The following MIEN1 variants were observed in gnomAD, a reference collection of about 807,000 sequenced individuals.
The protein encoded by MIEN1 is HBV X-transactivated gene 4 protein.
Under a neutral mutation model 15.5 loss-of-function variants are expected in MIEN1, and 12 were observed. That is an observed-to-expected ratio of 0.78 (90% confidence interval 0.50 to 1.26). MIEN1 has a LOEUF of 1.26. Among genes scored for constraint, MIEN1 ranks in the 50% most tolerant of loss-of-function variants. The pLI, the probability that MIEN1 is intolerant of heterozygous loss-of-function variation, is 0.00. For synonymous variants in MIEN1, 63 were observed against 62.8 expected (o/e 1.00, Z -0.02); for missense variants, 160 against 151.7 (o/e 1.05, Z -0.29).
chr17:39,728,723 A>G lies in MIEN1; in HGVS notation c.*799T>C. 1 of 223,042 alleles carries G rather than the reference A, an allele frequency of 4.5e-6. No homozygotes were observed. Among genetic ancestry groups the G allele is most frequent in the African/African-American group, 2.2e-5 (1 of 44,822 alleles). 13.8% of individuals were successfully genotyped at this position (223,042 alleles called of 1,614,324 possible). A position where few individuals can be genotyped will look rare whatever the true frequency, so the allele number is the denominator to read the frequency against. ...TCCCTTCCTGCTCACCTTACACTCA[A>G]TTCCTCTTTTCCTGGAGGGAGTGGC... is the stretch of plus-strand genomic sequence containing the variant. On this transcript the variant is annotated 3_prime_UTR_variant, in exon 4 of 4. Transcript: ENST00000394231.
rs201802003 is a variant in MIEN1 at position 39,730,499 on chromosome 17, G to T, written c.-4C>A. The T allele has an allele frequency of 1.6e-3, 2,409 of 1,531,280 alleles. 2 individuals carry two copies. Among genetic ancestry groups the T allele is most frequent in the Non-Finnish European group, 1.9e-3 (2,168 of 1,143,602 alleles). The allele number at this position is 1,531,280 out of a possible 1,614,324, so 94.9% of individuals were successfully genotyped here. ...TCTGCCCCGGCTCCCCGCTCATCGC[G>T]GCCGGCTCCGCTCGGGCCCCTGCTT... On this transcript the variant is annotated 5_prime_UTR_variant, in exon 1 of 4. Coordinates refer to ENST00000394231, the MANE Select transcript of MIEN1 (RefSeq NM_032339.5).
In MIEN1 at chr17:39,729,142, C is replaced by T. The variant is rs2059916845; in HGVS notation, c.*380G>A. ...TTCCCAGACTGGACGTATAAAAACA[C>T]ACACTAGTTAGCATTAGTGTTTGTA... is the stretch of plus-strand genomic sequence containing the variant. On this transcript the variant is annotated 3_prime_UTR_variant, in exon 4 of 4. Coordinates refer to ENST00000394231, the MANE Select transcript of MIEN1 (RefSeq NM_032339.5). 1 of 239,308 alleles carries T rather than the reference C, an allele frequency of 4.2e-6. No individual in the cohort carries two copies. Among genetic ancestry groups the T allele is most frequent in the Non-Finnish European group, 8.3e-6 (1 of 121,026 alleles). 14.8% of individuals were successfully genotyped at this position (239,308 alleles called of 1,614,324 possible).
intron 1 of MIEN1, 31 bp downstream of exon 1, chr17:39,730,376 G>C (rs1457087264): frequency 1.9e-6 from 3 of 1,554,416 alleles, no homozygotes; most frequent in Non-Finnish European, 2.6e-6. Flanking sequence ...CGCGGGACCA[G>C]GGTGCGGGTC....
In MIEN1 at chr17:39,728,955, G is replaced by GA. The variant is rs1194632594; in HGVS notation, c.*566dup. Reference sequence around the variant, plus strand: ...GAGGAGAGTGGTGGGTAGGGTGGGGGAAAGACGAGGCAGGGTCTACTGTGG... The same window carrying GA: ...GAGGAGAGTGGTGGGTAGGGTGGGGGAAAAGACGAGGCAGGGTCTACTGTGG... On this transcript the variant is annotated 3_prime_UTR_variant, in exon 4 of 4. Transcript: ENST00000394231. 5.8e-6 allele frequency: 1 copy of GA among 171,870 alleles called. No homozygotes were observed. Among genetic ancestry groups the GA allele is most frequent in the Non-Finnish European group, 1.3e-5 (1 of 79,470 alleles). The allele number at this position is 171,870 out of a possible 1,614,324, so 10.6% of individuals were successfully genotyped here.
intron 1 of MIEN1, 42 bp from the exon 2 acceptor site, chr17:39,730,333 T>TG: frequency 6.4e-7 from 1 of 1,558,608 alleles, no homozygotes; most frequent in Non-Finnish European, 8.7e-7. Flanking sequence ...GATTCGGGGG[T>TG]GGGGCCTCCC....
At position 39,730,250 on chromosome 17, in the gene MIEN1, C is replaced by T; in HGVS notation, c.131G>A (p.Ser44Asn). The T allele has an allele frequency of 3.7e-6, 6 of 1,609,394 alleles. No homozygotes were observed. Among genetic ancestry groups the T allele is most frequent in the Non-Finnish European group, 3.4e-6 (4 of 1,179,638 alleles). Reference protein sequence around the residue: ...GFEATYLELASAVKEQYPGIE... With the variant: ...GFEATYLELANAVKEQYPGIE... ...GCCCGGATACTGCTCCTTCACAGCA[C>T]TGGCCAGCTCCAGGTAGGTCGCCTC... is the stretch of plus-strand genomic sequence containing the variant. The change falls in exon 2 of 4, where the codon AGT (serine) becomes AAT (asparagine). Residue 44 changes from serine (S) to asparagine (N), a missense_variant. Transcript: ENST00000394231.
At position 39,728,956 on chromosome 17, in the gene MIEN1, A is replaced by T. The variant is rs2059912014; in HGVS notation, c.*566T>A. 1 of 171,884 alleles carries T rather than the reference A, an allele frequency of 5.8e-6. No individual in the cohort carries two copies. The highest frequency in any genetic ancestry group is 2.4e-5 in the African/African-American group (1 of 41,830). 10.6% of individuals were successfully genotyped at this position (171,884 alleles called of 1,614,324 possible). ...AGGAGAGTGGTGGGTAGGGTGGGGG[A>T]AAGACGAGGCAGGGTCTACTGTGGG... On this transcript the variant is annotated 3_prime_UTR_variant, in exon 4 of 4. Coordinates refer to ENST00000394231, the MANE Select transcript of MIEN1 (RefSeq NM_032339.5).
At chr17:39,730,029 G>T in intron 2 of MIEN1, 165 bp downstream of exon 2, 1 of 743,662 alleles carries the variant, frequency 1.3e-6, no homozygotes, top group South Asian at 1.7e-5. Flanking sequence ...ACAGGCCTCT[G>T]TGACACCCCC....
rs1312289345 is a variant in MIEN1, at chr17:39,728,707, G to T, written c.*815C>A. 2 of 226,806 alleles carry T rather than the reference G, an allele frequency of 8.8e-6. No individual in the cohort carries two copies. Among genetic ancestry groups the T allele is most frequent in the Non-Finnish European group, 1.8e-5 (2 of 114,144 alleles). The allele number at this position is 226,806 out of a possible 1,614,324, so 14.0% of individuals were successfully genotyped here. ...GGGTGGCTCTGTGCCATCCCTTCCT[G>T]CTCACCTTACACTCAATTCCTCTTT... On this transcript the variant is annotated 3_prime_UTR_variant, in exon 4 of 4. Coordinates refer to ENST00000394231, the MANE Select transcript of MIEN1 (RefSeq NM_032339.5).
At position 39,729,407 on chromosome 17, in the gene MIEN1, G is replaced by T; in HGVS notation, c.*115C>A. The stretch of plus-strand genomic sequence containing the variant: ...CCCAAAGGGCAAAGTGGAGGCCAGG[G>T]TCTCTTTGCTAAGGAGCTAAGTAGG... On this transcript the variant is annotated 3_prime_UTR_variant, in exon 4 of 4. Coordinates refer to ENST00000394231, the MANE Select transcript of MIEN1 (RefSeq NM_032339.5). The T allele has an allele frequency of 1.5e-6, 2 of 1,318,176 alleles. No homozygotes were observed. Among genetic ancestry groups the T allele is most frequent in the Non-Finnish European group, 1.1e-6 (1 of 940,144 alleles). 81.7% of individuals were successfully genotyped at this position (1,318,176 alleles called of 1,614,324 possible). A position where few individuals can be genotyped will look rare whatever the true frequency, so the allele number is the denominator to read the frequency against.
Position 39,729,428 on chromosome 17 carries a change from G to C in MIEN1, c.*94C>G. 1 of 1,513,770 alleles carries C rather than the reference G, an allele frequency of 6.6e-7. No homozygotes were observed. Among genetic ancestry groups the C allele is most frequent in the Non-Finnish European group, 9.1e-7 (1 of 1,100,102 alleles). The allele number at this position is 1,513,770 out of a possible 1,614,324, so 93.8% of individuals were successfully genotyped here. A position where few individuals can be genotyped will look rare whatever the true frequency, so the allele number is the denominator to read the frequency against. On this transcript the variant is annotated 3_prime_UTR_variant, in exon 4 of 4. Transcript: ENST00000394231. ...CAGGGTCTCTTTGCTAAGGAGCTAAGTAGGGGAAAGAGGCAGGGGGAGCTC... is the reference window on the plus strand; with the variant it reads ...CAGGGTCTCTTTGCTAAGGAGCTAACTAGGGGAAAGAGGCAGGGGGAGCTC...
chr17:39,729,398 G>A lies in MIEN1; in HGVS notation c.*124C>T, dbSNP rs2059919727. On this transcript the variant is annotated 3_prime_UTR_variant, in exon 4 of 4. Transcript: ENST00000394231. Reference sequence around the variant, plus strand: ...TTCTTTGTACCCAAAGGGCAAAGTGGAGGCCAGGGTCTCTTTGCTAAGGAG... The same window carrying A: ...TTCTTTGTACCCAAAGGGCAAAGTGAAGGCCAGGGTCTCTTTGCTAAGGAG... 8.2e-7 allele frequency: 1 copy of A among 1,225,134 alleles called. No homozygotes were observed. Among genetic ancestry groups the A allele is most frequent in the African/African-American group, 1.5e-5 (1 of 65,922 alleles). 75.9% of individuals were successfully genotyped at this position (1,225,134 alleles called of 1,614,324 possible).
At chr17:39,729,950 T>C in intron 2 of MIEN1, 189 bp from the exon 3 acceptor site, 1 of 741,148 alleles carries the variant, frequency 1.3e-6, no homozygotes, top group South Asian at 1.8e-5. Flanking sequence ...TGTGTGCCCC[T>C]CGCAACACTC....
rs575392339 is a variant in MIEN1, at chr17:39,729,163, T to C, written c.*359A>G. ...AACACACACTAGTTAGCATTAGTGT[T>C]TGTAGCGCCACTTTACTGCCAATAG... On this transcript the variant is annotated 3_prime_UTR_variant, in exon 4 of 4. Coordinates refer to ENST00000394231, the MANE Select transcript of MIEN1 (RefSeq NM_032339.5). The C allele has an allele frequency of 1.0e-5, 3 of 301,370 alleles. No homozygotes were observed. The highest frequency in any genetic ancestry group is 1.9e-5 in the Non-Finnish European group (3 of 158,352). The allele number at this position is 301,370 out of a possible 1,614,324, so 18.7% of individuals were successfully genotyped here. A position where few individuals can be genotyped will look rare whatever the true frequency, so the allele number is the denominator to read the frequency against.
In MIEN1 at chr17:39,729,350, A is replaced by C; in HGVS notation, c.*172T>G. 1 of 767,422 alleles carries C rather than the reference A, an allele frequency of 1.3e-6. No homozygotes were observed. Among genetic ancestry groups the C allele is most frequent in the Non-Finnish European group, 2.1e-6 (1 of 469,142 alleles). The allele number at this position is 767,422 out of a possible 1,614,324, so 47.5% of individuals were successfully genotyped here. ...TGGAGAGTGTCTCTCTCCTGCCCCC[A>C]AGGCCACGGAATCTTCTATTCCTTC... On this transcript the variant is annotated 3_prime_UTR_variant, in exon 4 of 4. Transcript: ENST00000394231.
Position 39,729,388 on chromosome 17 carries a change from G to T in MIEN1, c.*134C>A, listed in dbSNP as rs771213022. On this transcript the variant is annotated 3_prime_UTR_variant, in exon 4 of 4. Transcript: ENST00000394231. ...CTTCTATTCCTTCTTTGTACCCAAA[G>T]GGCAAAGTGGAGGCCAGGGTCTCTT... is the stretch of plus-strand genomic sequence containing the variant. The T allele has an allele frequency of 4.6e-6, 5 of 1,079,630 alleles. No individual in the cohort carries two copies. Among genetic ancestry groups the T allele is most frequent in the Non-Finnish European group, 6.6e-6 (5 of 754,800 alleles). The allele number at this position is 1,079,630 out of a possible 1,614,324, so 66.9% of individuals were successfully genotyped here. A position where few individuals can be genotyped will look rare whatever the true frequency, so the allele number is the denominator to read the frequency against.
intron 2 of MIEN1, 137 bp downstream of exon 2, chr17:39,730,057 C>A (rs965709326): frequency 1.9e-5 from 16 of 864,670 alleles, no homozygotes; most frequent in Non-Finnish European, 2.7e-5. Context: ...TGGAAGGGAA[C>A]TCATGTTGGC....
chr17:39,729,177 T>G lies in MIEN1; in HGVS notation c.*345A>C, dbSNP rs1271616418. ...AGCATTAGTGTTTGTAGCGCCACTTTACTGCCAATAGCTGACATTGCCCTG... is the reference window on the plus strand; with the variant it reads ...AGCATTAGTGTTTGTAGCGCCACTTGACTGCCAATAGCTGACATTGCCCTG... On this transcript the variant is annotated 3_prime_UTR_variant, in exon 4 of 4. Coordinates refer to ENST00000394231, the MANE Select transcript of MIEN1 (RefSeq NM_032339.5). 1 of 323,248 alleles carries G rather than the reference T, an allele frequency of 3.1e-6. No homozygotes were observed. Among genetic ancestry groups the G allele is most frequent in the East Asian group, 6.1e-5 (1 of 16,368 alleles). 20.0% of individuals were successfully genotyped at this position (323,248 alleles called of 1,614,324 possible). A position where few individuals can be genotyped will look rare whatever the true frequency, so the allele number is the denominator to read the frequency against.
chr17:39,730,485 TC>T lies in MIEN1; in HGVS notation c.10del (p.Glu4SerfsTer7). MSGEPGQTSVAPPP... is the reference protein window; with the variant it reads MSGXPGQTSVAPPP... Reference sequence around the variant, plus strand: ...GGGCGCTACGGACGTCTGCCCCGGCTCCCCGCTCATCGCGGCCGGCTCCGCT... The same window carrying T: ...GGGCGCTACGGACGTCTGCCCCGGCTCCCGCTCATCGCGGCCGGCTCCGCT... On this transcript the variant is annotated frameshift_variant, in exon 1 of 4. Transcript: ENST00000394231. LOFTEE classifies it high-confidence loss of function. 1 of 1,534,310 alleles carries T rather than the reference TC, an allele frequency of 6.5e-7. No individual in the cohort carries two copies. The highest frequency in any genetic ancestry group is 8.7e-7 in the Non-Finnish European group (1 of 1,143,986).
Sources: allele counts gnomAD v4.1 joint callset, GRCh38; gene constraint gnomAD v4.1.1; transcripts MANE v1.5; gene names NCBI Gene and HGNC (gene_info 2026-07-23, HGNC 2026-07-21).